The following CSMD1 variants were observed in gnomAD, a reference collection of about 807,000 sequenced individuals.
CSMD1 encodes CUB and sushi domain-containing protein 1.
In CSMD1, 213 loss-of-function variants were observed where a neutral mutation model predicts 417.5. That is an observed-to-expected ratio of 0.51 (90% CI 0.46 to 0.57). The LOEUF (loss-of-function observed/expected upper bound fraction) is 0.57, where lower values mean the gene tolerates loss of function less well. Ranked by LOEUF, CSMD1 falls within the 20% of genes least tolerant of loss-of-function variation. The pLI, the probability that CSMD1 is intolerant of heterozygous loss-of-function variation, is 0.00. For missense variants in CSMD1, 6,923 were observed against 4,529.7 expected (o/e 1.53, Z -15.17); for synonymous variants, 2,862 against 1,736.8 (o/e 1.65, Z -16.11).
chr8:4,234,312 G>A (rs1396869459), intron 3 of CSMD1, among the ~76,000 whole-genome samples: 2 of 152,166 alleles, frequency 1.3e-5, no homozygotes, highest in Non-Finnish European at 2.9e-5. Context: ...GCTGGCGATT[G>A]CAGACACAAG....
intron 41 of CSMD1, among the ~76,000 whole-genome samples, chr8:3,132,405 C>A (rs1817838599): frequency 6.6e-6 from 1 of 151,642 alleles, no homozygotes; most frequent in Admixed American, 6.6e-5. Context: ...ATTACAGAGA[C>A]CTTCACAAGT....
At chr8:3,154,862 A>G (rs1163788441) in intron 39 of CSMD1, among the ~76,000 whole-genome samples, 1 of 152,182 alleles carries the variant, frequency 6.6e-6, no homozygotes, top group Non-Finnish European at 1.5e-5. Flanking sequence ...TAAGTAAAAT[A>G]TTATCTCTCT....
chr8:3,119,161 C>A (rs1481107624), intron 41 of CSMD1, among the ~76,000 whole-genome samples: 1 of 151,684 alleles, frequency 6.6e-6, no homozygotes, highest in Non-Finnish European at 1.5e-5. Flanking sequence ...GCCCGGGCGA[C>A]AGAGCAAGAC....
intron 3 of CSMD1, among the ~76,000 whole-genome samples, chr8:4,329,359 G>C (rs1799737695): frequency 6.6e-6 from 1 of 152,122 alleles, no homozygotes. Context: ...TGCATTCTCA[G>C]CTCACTTTAA....
At chr8:4,155,040 T>C (rs1387061650) in intron 3 of CSMD1, among the ~76,000 whole-genome samples, 3 of 152,192 alleles carry the variant, frequency 2.0e-5, no homozygotes, top group Non-Finnish European at 4.4e-5. Flanking sequence ...AACCTAACAC[T>C]GCTGCAGAAT....
chr8:4,520,082 T>C (rs1017503015), intron 2 of CSMD1, among the ~76,000 whole-genome samples: 1 of 152,168 alleles, frequency 6.6e-6, no homozygotes, highest in Non-Finnish European at 1.5e-5. Context: ...AATTTTACAG[T>C]ATTGCATTTA....
At chr8:4,992,028 G>T (rs1811494410) in intron 1 of CSMD1, among the ~76,000 whole-genome samples, 1 of 152,098 alleles carries the variant, frequency 6.6e-6, no homozygotes, top group Non-Finnish European at 1.5e-5. Context: ...CTCCATGCAC[G>T]CCAGGGGCCT....
At chr8:3,812,079 G>C (rs942721914) in intron 5 of CSMD1, among the ~76,000 whole-genome samples, 1 of 152,074 alleles carries the variant, frequency 6.6e-6, no homozygotes, top group African/African-American at 2.4e-5. Flanking sequence ...TCAGTCACTG[G>C]GGTAATGAAT....
chr8:3,801,175 C>G (rs1436517704), intron 5 of CSMD1, among the ~76,000 whole-genome samples: 3 of 151,370 alleles, frequency 2.0e-5, no homozygotes, highest in African/African-American at 7.3e-5. Flanking sequence ...AAAAGATAGT[C>G]CACATAATGA....
At chr8:4,218,724 A>G (rs1046045812) in intron 3 of CSMD1, among the ~76,000 whole-genome samples, 2 of 152,320 alleles carry the variant, frequency 1.3e-5, no homozygotes. Flanking sequence ...AGTGATGGTG[A>G]CTGGTTTCAA....
chr8:3,997,976 C>G lies in CSMD1; in HGVS notation c.745G>C (p.Val249Leu). 2 of 1,611,280 alleles carry G rather than the reference C, an allele frequency of 1.2e-6. No individual in the cohort carries two copies. Among genetic ancestry groups the G allele is most frequent in the Non-Finnish European group, 1.7e-6 (2 of 1,178,662 alleles). The change falls in exon 5 of 70, where the codon GTC becomes CTC. Residue 249 changes from valine (V) to leucine (L), a missense_variant. Transcript: ENST00000635120. ...TCTTCTAGCTGAAAGTCAGTGAAGA[C>G]CAGCGCAATGGTGTCCCCGGGCTCA... Reference protein sequence around the residue: ...LAEPGDTIALVFTDFQLEEGY... With the variant: ...LAEPGDTIALLFTDFQLEEGY...
intron 5 of CSMD1, among the ~76,000 whole-genome samples, chr8:3,912,778 G>A (rs755686146): frequency 2.6e-5 from 4 of 152,184 alleles, no homozygotes; most frequent in East Asian, 1.9e-4. Context: ...AAGGTCACAC[G>A]AAGGCATGCA....
At chr8:3,267,823 G>C (rs527269927) in intron 26 of CSMD1, among the ~76,000 whole-genome samples, 1 of 152,168 alleles carries the variant, frequency 6.6e-6, no homozygotes. Flanking sequence ...ATGTCACCCA[G>C]CTGGGCCAAC....
intron 3 of CSMD1, among the ~76,000 whole-genome samples, chr8:4,233,990 T>G (rs1801894693): frequency 6.6e-6 from 1 of 152,058 alleles, no homozygotes; most frequent in Non-Finnish European, 1.5e-5. Context: ...GGGGAACATG[T>G]GATCCCTTCT....
intron 34 of CSMD1, 83 bp downstream of exon 34, chr8:3,189,829 G>A (rs776447738): frequency 3.7e-5 from 48 of 1,292,298 alleles, no homozygotes; most frequent in African/African-American, 5.9e-5. Flanking sequence ...ATGGATTTAC[G>A]TAGCCTGGAT....
intron 60 of CSMD1, among the ~76,000 whole-genome samples, chr8:2,962,994 G>A (rs1329296482): frequency 6.6e-6 from 1 of 152,192 alleles, no homozygotes; most frequent in East Asian, 1.9e-4. Context: ...GCTGCAGGGA[G>A]CTATGATTGA....
intron 1 of CSMD1, among the ~76,000 whole-genome samples, chr8:4,778,925 C>G (rs1797010466): frequency 6.6e-6 from 1 of 152,114 alleles, no homozygotes; most frequent in African/African-American, 2.4e-5. Flanking sequence ...TGGAAGCAAC[C>G]TGCTTATCCT....
intron 2 of CSMD1, among the ~76,000 whole-genome samples, chr8:4,624,623 T>A (rs1353111031): frequency 6.6e-6 from 1 of 152,154 alleles, no homozygotes; most frequent in Non-Finnish European, 1.5e-5. Context: ...CGCCTCACAT[T>A]TTTGCCTGGC....
intron 1 of CSMD1, among the ~76,000 whole-genome samples, chr8:4,826,424 T>C (rs1340383412): frequency 6.6e-6 from 1 of 152,196 alleles, no homozygotes; most frequent in African/African-American, 2.4e-5. Context: ...GGCATTGCGC[T>C]AACTGAAATA....
Sources: allele counts gnomAD v4.1 joint callset (sites outside exome capture counted in the v4.1 genomes callset), GRCh38; gene constraint gnomAD v4.1.1; transcripts MANE v1.5; gene names NCBI Gene and HGNC (gene_info 2026-07-23, HGNC 2026-07-21).